HDAC9: variants seen among roughly 807,000 people sequenced by gnomAD.
The protein encoded by HDAC9 is MEF-2 interacting transcription repressor (MITR) protein.
In HDAC9, 41 loss-of-function variants were observed where a neutral mutation model predicts 139.4. The ratio of observed to expected loss-of-function variants is 0.29; its 90% CI spans 0.23 to 0.38. The LOEUF (loss-of-function observed/expected upper bound fraction) is 0.38, where lower values mean the gene tolerates loss of function less well. Among genes scored for constraint, HDAC9 ranks in the 10% least tolerant of loss-of-function variants. The probability of loss-of-function intolerance (pLI) is 1.00; values close to 1 mark genes in which losing one functional copy is unlikely to be tolerated. For missense variants in HDAC9, 1,147 were observed against 1,297.0 expected, an observed-to-expected ratio of 0.88 and a Z score of 1.78; for synonymous variants, 517 against 476.2, an observed-to-expected ratio of 1.09 and a Z score of -1.12.
At chr7:18,667,824 A>G in intron 12 of HDAC9, 1 of 980,160 alleles carries the variant, frequency 1.0e-6, no homozygotes, top group Non-Finnish European at 1.2e-6. Flanking sequence ...TCACTGGAAC[A>G]TTTCCTTCAT....
intron 2 of HDAC9, among the ~76,000 whole-genome samples, chr7:18,540,565 A>C (rs1459345737): frequency 2.0e-5 from 3 of 151,998 alleles, no homozygotes; most frequent in African/African-American, 7.3e-5. Flanking sequence ...GGGTGTAGAC[A>C]TATCGGGGGT....
intron 17 of HDAC9, among the ~76,000 whole-genome samples, chr7:18,797,745 C>T (rs1792929703): frequency 6.6e-6 from 1 of 151,944 alleles, no homozygotes; most frequent in Non-Finnish European, 1.5e-5. Flanking sequence ...ATGAGAATCG[C>T]TTGAACCCAG....
intron 16 of HDAC9, among the ~76,000 whole-genome samples, chr7:18,767,502 A>T (rs1161568701): frequency 6.6e-6 from 1 of 152,198 alleles, no homozygotes; most frequent in Non-Finnish European, 1.5e-5. Flanking sequence ...TTTAACACAG[A>T]TTTGCAGCAG....
At chr7:18,154,133 T>C (rs879210650) in intron 1 of HDAC9, among the ~76,000 whole-genome samples, 2 of 152,234 alleles carry the variant, frequency 1.3e-5, no homozygotes, top group African/African-American at 4.8e-5. Flanking sequence ...TATAAAATGA[T>C]ACTTGTTTCT....
intron 6 of HDAC9, among the ~76,000 whole-genome samples, chr7:18,611,734 A>T (rs1837207220): frequency 6.6e-6 from 1 of 152,134 alleles, no homozygotes; most frequent in African/African-American, 2.4e-5. Flanking sequence ...AAAAGTAGTG[A>T]CTTATAACAG....
chr7:18,962,636 T>C (rs1291704055), intron 24 of HDAC9, among the ~76,000 whole-genome samples: 1 of 152,124 alleles, frequency 6.6e-6, no homozygotes, highest in East Asian at 1.9e-4. Context: ...TTGTGGATTA[T>C]GAAAGAGTAG....
In HDAC9 at chr7:18,996,396, T is replaced by C. The variant is rs1786465711; in HGVS notation, c.*334T>C. On this transcript the variant is annotated 3_prime_UTR_variant, in exon 26 of 26. Coordinates refer to ENST00000686413, the MANE Select transcript of HDAC9 (RefSeq NM_178425.4). ...ACATTCAGTACAGCACTAGATATTG[T>C]TAATTTCAGAAGCTATGACAGCCAG... 1 of 184,558 alleles carries C rather than the reference T, an allele frequency of 5.4e-6. No individual in the cohort carries two copies. Among genetic ancestry groups the C allele is most frequent in the African/African-American group, 2.3e-5 (1 of 42,580 alleles). 11.4% of individuals were successfully genotyped at this position (184,558 alleles called of 1,614,324 possible). A position where few individuals can be genotyped will look rare whatever the true frequency, so the allele number is the denominator to read the frequency against.
rs538276720 is a variant in HDAC9 at position 18,571,887 on chromosome 7, A to C, written c.23-13394A>C. ...GTTGTCTTAAACATATTAAGCATTG[A>C]GGCTTTCAGAAAATATTCAACTGTT... On this transcript the variant is annotated intron_variant, in intron 2 of 25. Coordinates refer to ENST00000686413, the MANE Select transcript of HDAC9 (RefSeq NM_178425.4). Among the ~76,000 whole-genome samples the C allele has an allele frequency of 3.9e-5, 6 of 151,988 alleles. No homozygotes were observed. The East Asian group carries it at 1.2e-3, about 29-fold the overall frequency.
intron 22 of HDAC9, among the ~76,000 whole-genome samples, chr7:18,893,535 G>C (rs1004352249): frequency 2.6e-5 from 4 of 152,108 alleles, no homozygotes; most frequent in African/African-American, 9.7e-5. Context: ...TGGCCATATG[G>C]TTATTTAAAT....
chr7:18,897,265 C>T (rs1050256999), intron 22 of HDAC9, among the ~76,000 whole-genome samples: 1 of 151,922 alleles, frequency 6.6e-6, no homozygotes, highest in Non-Finnish European at 1.5e-5. Flanking sequence ...ATGTGTACAT[C>T]TGATTTAAAG....
At chr7:18,269,892 T>C (rs190229788) in intron 2 of HDAC9, among the ~76,000 whole-genome samples, 2 of 152,228 alleles carry the variant, frequency 1.3e-5, no homozygotes, top group South Asian at 2.1e-4. Context: ...AGTGTTATCA[T>C]TGAGGTGAAA....
chr7:18,720,544 T>A (rs533344839), intron 12 of HDAC9, among the ~76,000 whole-genome samples: 1 of 151,916 alleles, frequency 6.6e-6, no homozygotes, highest in South Asian at 2.1e-4. Flanking sequence ...TATCTATCAG[T>A]GAAATTATTT....
chr7:18,521,831 A>C (rs958815533), intron 2 of HDAC9, among the ~76,000 whole-genome samples: 8 of 152,142 alleles, frequency 5.3e-5, no homozygotes, highest in African/African-American at 1.9e-4. Context: ...AAATGATTCC[A>C]TTTATTTTTA....
chr7:18,938,271 A>T (rs1383057427), intron 23 of HDAC9, among the ~76,000 whole-genome samples: 2 of 141,584 alleles, frequency 1.4e-5, no homozygotes, highest in African/African-American at 2.6e-5. Flanking sequence ...GCAATATGAG[A>T]GATTACATAT....
chr7:18,847,712 G>C (rs929939226), intron 21 of HDAC9, among the ~76,000 whole-genome samples: 1 of 152,226 alleles, frequency 6.6e-6, no homozygotes, highest in Non-Finnish European at 1.5e-5. Flanking sequence ...GTCAGCTGTG[G>C]TGTTACTGAG....
At chr7:18,929,544 A>T (rs1302891561) in intron 22 of HDAC9, among the ~76,000 whole-genome samples, 5 of 152,214 alleles carry the variant, frequency 3.3e-5, no homozygotes, top group African/African-American at 1.2e-4. Flanking sequence ...CAACCAGGCT[A>T]CATGTAGGAT....
chr7:18,195,195 G>A (rs766640939), intron 2 of HDAC9, among the ~76,000 whole-genome samples: 2 of 152,072 alleles, frequency 1.3e-5, no homozygotes, highest in African/African-American at 2.4e-5. Context: ...TTGTGTATCT[G>A]ACAGATTCTG....
At chr7:18,544,229 A>G (rs1203474564) in intron 2 of HDAC9, among the ~76,000 whole-genome samples, 1 of 152,196 alleles carries the variant, frequency 6.6e-6, no homozygotes, top group African/African-American at 2.4e-5. Context: ...TTTGAAGGAT[A>G]TTTTGAAGGT....
intron 1 of HDAC9, among the ~76,000 whole-genome samples, chr7:18,149,801 G>T (rs1386117560): frequency 1.3e-5 from 2 of 152,008 alleles, no homozygotes; most frequent in Middle Eastern, 3.2e-3. Flanking sequence ...TGATCTGCCC[G>T]CCTTGGCCTC....
Sources: gnomAD v4.1 joint callset for allele counts (sites outside exome capture counted in the v4.1 genomes callset) on GRCh38, gnomAD v4.1.1 for gene constraint, MANE v1.5 for transcripts, NCBI Gene and HGNC (gene_info 2026-07-23, HGNC 2026-07-21) for gene names.